FNDC7: variants seen among roughly 807,000 people sequenced by gnomAD.
FNDC7 encodes fibronectin type III domain containing 7.
In FNDC7, 66 loss-of-function variants were observed where a neutral mutation model predicts 74.2. That is an observed-to-expected ratio of 0.89 (90% CI 0.73 to 1.09). The LOEUF is 1.09. FNDC7 is among the 50% of genes least tolerant of loss of function. FNDC7 has a pLI of 0.00. For missense variants in FNDC7, 829 were observed against 893.4 expected (o/e 0.93, Z 0.92); for synonymous variants, 307 against 330.2 (o/e 0.93, Z 0.76).
Position 108,728,802 on chromosome 1 carries a change from T to C in FNDC7, c.1540T>C (p.Cys514Arg). ...GESCTMRGLP[C>R]GSVFSVTAVA... ...GTCCTGCACCATGCGGGGCTTGCCC[T>C]GTGGCTCAGTGTTCTCTGTCACTGC... is the stretch of plus-strand genomic sequence containing the variant. The change falls in exon 8 of 13, where the codon TGT (cysteine) becomes CGT (arginine). Residue 514 changes from cysteine to arginine, a missense_variant. By Grantham distance (180) the Cys-to-Arg change is radical (BLOSUM62 -3). Coordinates refer to ENST00000370017, the MANE Select transcript of FNDC7 (RefSeq NM_001144937.3). The C allele has an allele frequency of 1.2e-6, 2 of 1,614,264 alleles. No homozygotes were observed. The highest frequency in any genetic ancestry group is 1.7e-6 in the Non-Finnish European group (2 of 1,180,044).
chr1:108,740,468 C>T (rs1317125109), intron 11 of FNDC7, among the ~76,000 whole-genome samples: 1 of 152,008 alleles, frequency 6.6e-6, no homozygotes, highest in Non-Finnish European at 1.5e-5. Context: ...GCTGGGATTA[C>T]AGATGTGCGC....
chr1:108,739,306 G>A (rs1661586072), intron 11 of FNDC7, among the ~76,000 whole-genome samples: 1 of 152,064 alleles, frequency 6.6e-6, no homozygotes, highest in Non-Finnish European at 1.5e-5. Flanking sequence ...AGACCAGCCT[G>A]GCCAACAAAA....
At chr1:108,722,643 T>C in intron 5 of FNDC7, 51 bp downstream of exon 5, 1 of 1,539,272 alleles carries the variant, frequency 6.5e-7, no homozygotes, top group Non-Finnish European at 8.8e-7. Context: ...CTGACTGCTG[T>C]AAGGGAGACG....
Position 108,725,920 on chromosome 1 carries a change from T to C in FNDC7, c.1027T>C (p.Cys343Arg). 6.2e-7 allele frequency: 1 copy of C among 1,614,116 alleles called. No homozygotes were observed. Among genetic ancestry groups the C allele is most frequent in the Non-Finnish European group, 8.5e-7 (1 of 1,180,012 alleles). Residue 343 changes from cysteine to arginine, a missense_variant, in exon 6 of 13, where the codon TGT (cysteine) becomes CGT (arginine). Cys to Arg is a radical substitution (Grantham distance 180). Transcript: ENST00000370017. ...CACTCAGTGCAACTTCTTATCTGAGTGTGGCTTCACTTATTTTATTAGTGT... is the reference window on the plus strand; with the variant it reads ...CACTCAGTGCAACTTCTTATCTGAGCGTGGCTTCACTTATTTTATTAGTGT... ...SLTQCNFLSE[C>R]GFTYFISVFV... is the part of the protein sequence containing the mutation.
intron 5 of FNDC7, among the ~76,000 whole-genome samples, chr1:108,725,078 C>A (rs940372722): frequency 1.3e-5 from 2 of 151,164 alleles, no homozygotes; most frequent in Non-Finnish European, 2.9e-5. Flanking sequence ...GAGACTCTGT[C>A]TCAAAAAAAA....
chr1:108,740,120 A>G (rs1183656518), intron 11 of FNDC7, among the ~76,000 whole-genome samples: 1 of 151,524 alleles, frequency 6.6e-6, no homozygotes, highest in East Asian at 1.9e-4. Flanking sequence ...TATGGAAGTC[A>G]TTATATCTAG....
intron 10 of FNDC7, 107 bp downstream of exon 10, chr1:108,733,639 A>T: frequency 8.6e-7 from 1 of 1,159,140 alleles, no homozygotes; most frequent in Non-Finnish European, 1.2e-6. Context: ...AGAGGGTATA[A>T]AATTTCTTTC....
Position 108,730,935 on chromosome 1 carries a change from G to A in FNDC7, c.1879+7G>A. The stretch of plus-strand genomic sequence containing the variant: ...TACCAAAGTTATTTCTCTGGTAAGT[G>A]AACTCTAGCTCTAGAGTAGCAGTAA... On this transcript the variant is annotated splice_region_variant and intron_variant, in intron 9 of 12. Coordinates refer to ENST00000370017, the MANE Select transcript of FNDC7 (RefSeq NM_001144937.3). 1.2e-6 allele frequency: 2 copies of A among 1,603,476 alleles called. No individual in the cohort carries two copies. The highest frequency in any genetic ancestry group is 1.7e-5 in the Admixed American group (1 of 59,454).
chr1:108,736,205 G>A (rs941165437), intron 10 of FNDC7, among the ~76,000 whole-genome samples: 10 of 151,792 alleles, frequency 6.6e-5, no homozygotes, highest in Admixed American at 1.3e-4. Context: ...TGCCTGCTTC[G>A]GCCACACACA....
intron 4 of FNDC7, among the ~76,000 whole-genome samples, chr1:108,719,846 A>G (rs1375621583): frequency 6.6e-6 from 1 of 152,134 alleles, no homozygotes; most frequent in African/African-American, 2.4e-5. Flanking sequence ...ACCTACATAG[A>G]TAGGAGACTC....
chr1:108,716,376 T>TGTGTGTGTGTGTGTG (rs61370041), intron 2 of FNDC7, among the ~76,000 whole-genome samples: 8 of 108,782 alleles, frequency 7.4e-5, no homozygotes, highest in African/African-American at 2.8e-4. Flanking sequence ...TGTGTGTGTG[T>TGTGTGTGTGTGTGTG]TGGAAGAGGG....
In FNDC7 at chr1:108,728,612, A is replaced by T. The variant is rs1661270912; in HGVS notation, c.1370-20A>T. ...ATTTTTGACTCATGCTGGTTCAATT[A>T]ATACTCTAAAATGTCTTAGCTCCTT... On this transcript the variant is annotated intron_variant, in intron 7 of 12. Coordinates refer to ENST00000370017, the MANE Select transcript of FNDC7 (RefSeq NM_001144937.3). The T allele has an allele frequency of 6.2e-7, 1 of 1,612,890 alleles. No individual in the cohort carries two copies. The highest frequency in any genetic ancestry group is 1.3e-5 in the African/African-American group (1 of 74,932).
rs199575672 is a variant in FNDC7, at chr1:108,720,631, G to T, written c.598+1582G>T. 4.6e-5 allele frequency among the ~76,000 whole-genome samples: 7 copies of T among 152,208 alleles called. No homozygotes were observed. The East Asian group carries it at 1.3e-3, about 29-fold the overall frequency. On this transcript the variant is annotated intron_variant, in intron 4 of 12. Transcript: ENST00000370017. Reference sequence around the variant, plus strand: ...TGGAGGCTACGAAGTCTGAAATCAAGGTGTTGGCTAGGTTGGTTCCTTCTG... The same window carrying T: ...TGGAGGCTACGAAGTCTGAAATCAATGTGTTGGCTAGGTTGGTTCCTTCTG...
intron 4 of FNDC7, among the ~76,000 whole-genome samples, chr1:108,721,207 C>T (rs1232382549): frequency 1.3e-5 from 2 of 152,222 alleles, no homozygotes; most frequent in African/African-American, 4.8e-5. Flanking sequence ...CGGTAGCTCA[C>T]GCCTGTAATC....
At chr1:108,740,029 T>TAGA (rs1661602211) in intron 11 of FNDC7, among the ~76,000 whole-genome samples, 1 of 109,228 alleles carries the variant, frequency 9.2e-6, no homozygotes, top group African/African-American at 3.6e-5. Context: ...GCCATCTCTC[T>TAGA]AAAAAAAAAA....
At chr1:108,719,773 A>AGG (rs1474240325) in intron 4 of FNDC7, among the ~76,000 whole-genome samples, 2 of 134,998 alleles carry the variant, frequency 1.5e-5, no homozygotes, top group African/African-American at 5.1e-5. Context: ...AGAGAGAGAG[A>AGG]GAGAACGAGA....
In FNDC7 at chr1:108,713,585, T is replaced by C. The variant is rs765762001; in HGVS notation, c.82+56T>C. The C allele has an allele frequency of 4.5e-5, 66 of 1,459,184 alleles. 1 individual carries two copies. Among genetic ancestry groups the C allele is most frequent in the Non-Finnish European group, 6.1e-5 (66 of 1,074,880 alleles). The allele number at this position is 1,459,184 out of a possible 1,614,324, so 90.4% of individuals were successfully genotyped here. On this transcript the variant is annotated intron_variant, in intron 2 of 12. Coordinates refer to ENST00000370017, the MANE Select transcript of FNDC7 (RefSeq NM_001144937.3). ...TCTCGTATTTGATTTTAATTTCCATTGTTAATTCACGGGCTACCCTGAAAT... is the reference window on the plus strand; with the variant it reads ...TCTCGTATTTGATTTTAATTTCCATCGTTAATTCACGGGCTACCCTGAAAT...
intron 1 of FNDC7, 145 bp from the exon 2 acceptor site, chr1:108,713,366 G>C: frequency 1.4e-6 from 1 of 710,130 alleles, no homozygotes; most frequent in Non-Finnish European, 2.4e-6. Context: ...GATTTGTGTG[G>C]AGAAATACTT....
intron 11 of FNDC7, among the ~76,000 whole-genome samples, chr1:108,741,187 T>C (rs1451419257): frequency 6.6e-6 from 1 of 152,260 alleles, no homozygotes; most frequent in East Asian, 1.9e-4. Flanking sequence ...TGCTGGAAAT[T>C]TGATGCAAGT....
Sources: allele counts gnomAD v4.1 joint callset (sites outside exome capture counted in the v4.1 genomes callset), GRCh38; gene constraint gnomAD v4.1.1; transcripts MANE v1.5; gene names NCBI Gene and HGNC (gene_info 2026-07-23, HGNC 2026-07-21).